Variants in KDM1B observed in about 807,000 individuals in gnomAD.
KDM1B encodes lysine demethylase 1B.
In KDM1B, 63 loss-of-function variants were observed where a neutral mutation model predicts 107.4. The ratio of observed to expected loss-of-function variants is 0.59; its 90% CI spans 0.48 to 0.72. The LOEUF (loss-of-function observed/expected upper bound fraction) is 0.72, where lower values mean the gene tolerates loss of function less well. KDM1B is among the 30% of genes least tolerant of loss of function. KDM1B has a pLI of 0.00. For missense variants in KDM1B, 749 were observed against 1,020.8 expected (o/e 0.73, Z 3.63); for synonymous variants, 363 against 363.9 (o/e 1.00, Z 0.03).
chr6:18,212,303 C>T lies in KDM1B; in HGVS notation c.1867-185C>T. 5 of 632,954 alleles carry T rather than the reference C, an allele frequency of 7.9e-6. No homozygotes were observed. The highest frequency in any genetic ancestry group is 1.8e-5 in the South Asian group (1 of 54,584). The allele number at this position is 632,954 out of a possible 1,614,324, so 39.2% of individuals were successfully genotyped here. ...ACCATCAGGACGTTTTTTGCCCACT[C>T]TTCCCTGTGGTTGCCACTTCTGCTT... is the stretch of plus-strand genomic sequence containing the variant. On this transcript the variant is annotated intron_variant, in intron 17 of 21. Coordinates refer to ENST00000650836, the MANE Select transcript of KDM1B (RefSeq NM_001364614.2). The surrounding 1 kb of genome is among the most constrained non-coding windows in gnomAD (Gnocchi z 5.2).
rs1198684733 is a variant in KDM1B, at chr6:18,155,762, G to C, written c.-57-121G>C. On this transcript the variant is annotated intron_variant, in intron 1 of 21. Transcript: ENST00000650836. This position sits in a 1 kb window ranked among gnomAD's most constrained non-coding sequence, Gnocchi z 6.2. ...TGCCCCGGATTAAAAGAGGGTGCGGGGTGGGTATCTGTCTGAAGAAGGGGG... is the reference window on the plus strand; with the variant it reads ...TGCCCCGGATTAAAAGAGGGTGCGGCGTGGGTATCTGTCTGAAGAAGGGGG... 2.0e-5 allele frequency: 3 copies of C among 152,340 alleles called. No individual in the cohort carries two copies. Among genetic ancestry groups the C allele is most frequent in the Non-Finnish European group, 4.4e-5 (3 of 68,120 alleles). The allele number at this position is 152,340 out of a possible 1,614,324, so 9.4% of individuals were successfully genotyped here.
chr6:18,169,233 A>ATT lies in KDM1B; in HGVS notation c.418-2130_418-2129insTT, dbSNP rs199594945. Among the ~76,000 whole-genome samples the ATT allele has an allele frequency of 3.0e-5, 4 of 132,778 alleles. 1 individual carries two copies. Among genetic ancestry groups the ATT allele is most frequent in the Non-Finnish European group, 6.5e-5 (4 of 61,374 alleles). 87.1% of individuals were successfully genotyped at this position (132,778 alleles called of 152,430 possible). ...GAGTTGTAAGAATTATATATATATA[A>ATT]ATTTTTTTTTTTTTTTTGAGATGGA... On this transcript the variant is annotated intron_variant, in intron 6 of 21. Transcript: ENST00000650836.
intron 9 of KDM1B, among the ~76,000 whole-genome samples, chr6:18,190,975 C>G (rs192642386): frequency 1.3e-4 from 20 of 151,726 alleles, no homozygotes; most frequent in Middle Eastern, 3.4e-3. Context: ...AATAATTTTT[C>G]CATGCTATGG....
chr6:18,208,365 G>C (rs1184099728), intron 17 of KDM1B, among the ~76,000 whole-genome samples, 159 bp downstream of exon 17: 1 of 151,680 alleles, frequency 6.6e-6, no homozygotes, highest in Non-Finnish European at 1.5e-5. Context: ...ATTGTATGTA[G>C]ATATGCAAAG....
intron 5 of KDM1B, 97 bp from the exon 6 acceptor site, chr6:18,166,170 T>C (rs1785281030): frequency 1.6e-6 from 1 of 628,078 alleles, no homozygotes; most frequent in South Asian, 2.0e-5. Flanking sequence ...TTATGTTTGT[T>C]ACGTAAGATT....
intron 21 of KDM1B, among the ~76,000 whole-genome samples, chr6:18,221,494 G>A (rs544363644): frequency 2.6e-4 from 39 of 151,978 alleles, no homozygotes; most frequent in Admixed American, 2.1e-3. Flanking sequence ...TATATCCTTT[G>A]AGTAACGTAA....
Position 18,205,641 on chromosome 6 carries a change from G to T in KDM1B, c.1636G>T (p.Ala546Ser). ...GTTCCATCTCAGTAACCTGGAGTAC[G>T]CCTGTGGCAGCAACCTTCACCAGGT... ...LQFHLSNLEY[A>S]CGSNLHQVSA... Residue 546 changes from alanine to serine, a missense_variant, in exon 15 of 22, where the codon GCC (alanine) becomes TCC (serine). Ala to Ser is a moderately conservative substitution (Grantham distance 99). Transcript: ENST00000650836. This position sits in a 1 kb window ranked among gnomAD's most constrained non-coding sequence, Gnocchi z 5.7. 1 of 1,524,312 alleles carries T rather than the reference G, an allele frequency of 6.6e-7. No homozygotes were observed. Among genetic ancestry groups the T allele is most frequent in the Non-Finnish European group, 8.8e-7 (1 of 1,137,194 alleles). The allele number at this position is 1,524,312 out of a possible 1,614,324, so 94.4% of individuals were successfully genotyped here.
chr6:18,189,381 T>TA (rs1315830480), intron 9 of KDM1B, among the ~76,000 whole-genome samples: 1 of 152,228 alleles, frequency 6.6e-6, no homozygotes, highest in African/African-American at 2.4e-5. Context: ...AAGGAAGATT[T>TA]GGCAGTGTGC....
In KDM1B at chr6:18,212,258, C is replaced by G; in HGVS notation, c.1867-230C>G. ...CCGCACCTGGCCTCTGCTGACTCTT[C>G]TTATCTAAGATGATTATTCACCATC... On this transcript the variant is annotated intron_variant, in intron 17 of 21. Coordinates refer to ENST00000650836, the MANE Select transcript of KDM1B (RefSeq NM_001364614.2). This position sits in a 1 kb window ranked among gnomAD's most constrained non-coding sequence, Gnocchi z 5.2. The G allele has an allele frequency of 1.9e-6, 1 of 527,032 alleles. No homozygotes were observed. The highest frequency in any genetic ancestry group is 3.4e-6 in the Non-Finnish European group (1 of 290,182). The allele number at this position is 527,032 out of a possible 1,614,324, so 32.6% of individuals were successfully genotyped here. A position where few individuals can be genotyped will look rare whatever the true frequency, so the allele number is the denominator to read the frequency against.
intron 6 of KDM1B, among the ~76,000 whole-genome samples, chr6:18,168,325 T>G (rs997152061): frequency 1.3e-5 from 2 of 152,250 alleles, no homozygotes; most frequent in African/African-American, 4.8e-5. Context: ...TGGATTTATC[T>G]ATTTTGGATG....
chr6:18,207,596 C>A (rs1055211549), intron 16 of KDM1B, 67 bp downstream of exon 16: 25 of 1,589,522 alleles, frequency 1.6e-5, no homozygotes, highest in Non-Finnish European at 1.7e-5. Flanking sequence ...TCTGGGCATG[C>A]GGCTCACGCA....
At chr6:18,181,065 T>A (rs948005933) in intron 7 of KDM1B, among the ~76,000 whole-genome samples, 1 of 152,234 alleles carries the variant, frequency 6.6e-6, no homozygotes, top group African/African-American at 2.4e-5. Flanking sequence ...CTCTAAGTAG[T>A]TTTTGAAAAC....
chr6:18,205,897 CAG>C lies in KDM1B; in HGVS notation c.1659+234_1659+235del, dbSNP rs1788336147. On this transcript the variant is annotated intron_variant, in intron 15 of 21. Transcript: ENST00000650836. This position sits in a 1 kb window ranked among gnomAD's most constrained non-coding sequence, Gnocchi z 5.7. ...GTCCCAGCTACTCGGGAGGCTGAGGCAGGGGAATCGCTTGAACCTGGGAGGCG... is the reference window on the plus strand; with the variant it reads ...GTCCCAGCTACTCGGGAGGCTGAGGCGGGAATCGCTTGAACCTGGGAGGCG... Among the ~76,000 whole-genome samples the C allele has an allele frequency of 6.6e-6, 1 of 151,976 alleles. No individual in the cohort carries two copies. The highest frequency in any genetic ancestry group is 1.5e-5 in the Non-Finnish European group (1 of 67,970).
In KDM1B at chr6:18,201,496, G is replaced by C. The variant is rs1333964442; in HGVS notation, c.1370G>C (p.Ser457Thr). 3 of 1,547,694 alleles carry C rather than the reference G, an allele frequency of 1.9e-6. No individual in the cohort carries two copies. The highest frequency in any genetic ancestry group is 4.0e-5 in the Admixed American group (2 of 50,292). Reference sequence around the variant, plus strand: ...CTTATTATTTTGAAGCTTGGCATCAGCATGCATAAATTTGGAGAAAGATGT... The same window carrying C: ...CTTATTATTTTGAAGCTTGGCATCACCATGCATAAATTTGGAGAAAGATGT... The part of the protein sequence containing the change: ...VALMCEQLGI[S>T]MHKFGERCDL... Residue 457 changes from serine (S) to threonine (T), a missense_variant, in exon 14 of 22, where the codon AGC becomes ACC. Ser to Thr is a moderately conservative substitution (Grantham distance 58). Transcript: ENST00000650836. The surrounding 1 kb of genome is among the most constrained non-coding windows in gnomAD (Gnocchi z 4.3).
intron 9 of KDM1B, among the ~76,000 whole-genome samples, chr6:18,190,178 G>A (rs544878006): frequency 2.6e-5 from 4 of 151,750 alleles, no homozygotes; most frequent in East Asian, 3.9e-4. Flanking sequence ...TTTTAAAAAC[G>A]TACCTCCATG....
intron 20 of KDM1B, among the ~76,000 whole-genome samples, chr6:18,217,313 A>G (rs1326757356): frequency 6.6e-6 from 1 of 152,088 alleles, no homozygotes; most frequent in Non-Finnish European, 1.5e-5. Context: ...TGATACAGGA[A>G]TAGACTCAGG....
rs375679057 is a variant in KDM1B at position 18,214,428 on chromosome 6, G to A, written c.2110-579G>A. ...TTCTCCATCTCTTTCTACTTCTTCCGAAGCAAGCTTTAATTAGTGAACAGC... is the reference window on the plus strand; with the variant it reads ...TTCTCCATCTCTTTCTACTTCTTCCAAAGCAAGCTTTAATTAGTGAACAGC... On this transcript the variant is annotated intron_variant, in intron 19 of 21. Transcript: ENST00000650836. This position sits in a 1 kb window ranked among gnomAD's most constrained non-coding sequence, Gnocchi z 4.4. 4.6e-5 allele frequency among the ~76,000 whole-genome samples: 7 copies of A among 152,096 alleles called. No homozygotes were observed. The South Asian group carries it at 1.5e-3, about 32-fold the overall frequency.
At chr6:18,173,478 T>A (rs951798589) in intron 7 of KDM1B, among the ~76,000 whole-genome samples, 1 of 152,164 alleles carries the variant, frequency 6.6e-6, no homozygotes, top group African/African-American at 2.4e-5. Flanking sequence ...TCTGAATAGG[T>A]CTTTTATGAG....
At chr6:18,208,270 A>G in intron 17 of KDM1B, 64 bp downstream of exon 17, 5 of 1,208,854 alleles carry the variant, frequency 4.1e-6, no homozygotes, top group Non-Finnish European at 3.6e-6. Context: ...GGAGGGAAGG[A>G]CAAATCTTTC....
Sources: gnomAD v4.1 joint callset for allele counts (sites outside exome capture counted in the v4.1 genomes callset) on GRCh38, gnomAD v4.1.1 for gene constraint, Gnocchi (gnomAD v3.1) non-coding constraint, MANE v1.5 for transcripts, NCBI Gene and HGNC (gene_info 2026-07-23, HGNC 2026-07-21) for gene names.